MORC3: variants seen among roughly 807,000 people sequenced by gnomAD.
The protein encoded by MORC3 is MORC family CW-type zinc finger 3.
A neutral mutation model predicts 109.1 loss-of-function variants in MORC3; 31 were observed. That is an observed-to-expected ratio of 0.28 (90% CI 0.21 to 0.38). The LOEUF (loss-of-function observed/expected upper bound fraction) is 0.38. Among genes scored for constraint, MORC3 ranks in the 10% least tolerant of loss-of-function variants. The pLI is 1.00. For synonymous variants in MORC3, 395 were observed against 380.7 expected (o/e 1.04, Z -0.44); for missense variants, 867 against 1,135.8 (o/e 0.76, Z 3.40).
chr21:36,371,329 C>T (rs2085864254), intron 15 of MORC3, among the ~76,000 whole-genome samples: 1 of 152,112 alleles, frequency 6.6e-6, no homozygotes, highest in Non-Finnish European at 1.5e-5. Flanking sequence ...TACAGATGCT[C>T]CTCAACTTAT....
intron 6 of MORC3, among the ~76,000 whole-genome samples, chr21:36,343,769 T>TAA (rs2085477979): frequency 6.6e-6 from 1 of 152,082 alleles, no homozygotes; most frequent in Admixed American, 6.6e-5. Flanking sequence ...ATTTCTTGTG[T>TAA]TGATATTATT....
At chr21:36,372,294 T>C (rs1373348109) in intron 15 of MORC3, 80 bp from the exon 16 acceptor site, 12 of 1,274,494 alleles carry the variant, frequency 9.4e-6, no homozygotes, top group Non-Finnish European at 1.1e-5. Flanking sequence ...AAGCAGGTTC[T>C]CTATATTAGC....
intron 14 of MORC3, among the ~76,000 whole-genome samples, chr21:36,367,391 A>G (rs1287058402): frequency 6.6e-6 from 1 of 152,246 alleles, no homozygotes; most frequent in Non-Finnish European, 1.5e-5. Context: ...GGATAGCCAC[A>G]TGTGTCATCT....
At chr21:36,321,009 A>T (rs918222536) in intron 1 of MORC3, among the ~76,000 whole-genome samples, 1 of 152,110 alleles carries the variant, frequency 6.6e-6, no homozygotes, top group Non-Finnish European at 1.5e-5. Context: ...TGGCTTCCCC[A>T]CCTGATTATC....
chr21:36,335,808 A>T (rs564197844), intron 2 of MORC3, among the ~76,000 whole-genome samples: 2 of 152,222 alleles, frequency 1.3e-5, no homozygotes, highest in African/African-American at 4.8e-5. Context: ...CCATCCTTGT[A>T]TGTAACTTAG....
At chr21:36,374,195 T>G (rs897544930) in intron 16 of MORC3, among the ~76,000 whole-genome samples, 1 of 152,102 alleles carries the variant, frequency 6.6e-6, no homozygotes, top group African/African-American at 2.4e-5. Context: ...GTTCAAGCAA[T>G]TCTCCTGCCT....
rs763001687 is a variant in MORC3 at position 36,320,274 on chromosome 21, C to A, written c.10C>A (p.Gln4Lys). 3.8e-6 allele frequency: 6 copies of A among 1,580,174 alleles called. No individual in the cohort carries two copies. Among genetic ancestry groups the A allele is most frequent in the Non-Finnish European group, 5.2e-6 (6 of 1,164,972 alleles). Reference protein sequence around the residue: MAAQPPRGIRLSAL... With the variant: MAAKPPRGIRLSAL... ...TTGTAGCTCGCTCAAGATGGCGGCG[C>A]AGCCACCCCGCGGGATACGCCTCAG... is the stretch of plus-strand genomic sequence containing the variant. Residue 4 changes from glutamine to lysine, a missense_variant, in exon 1 of 17, where the codon CAG (glutamine) becomes AAG (lysine). Gln to Lys is a moderately conservative substitution (Grantham distance 53). Transcript: ENST00000400485.
chr21:36,364,966 C>T (rs867867859), intron 14 of MORC3, among the ~76,000 whole-genome samples: 54 of 144,050 alleles, frequency 3.7e-4, no homozygotes, highest in Middle Eastern at 4.0e-3. Context: ...GCAAGAGAAT[C>T]GCTTGAACCT....
chr21:36,320,590 C>T (rs2085180170), intron 1 of MORC3: 2 of 311,328 alleles, frequency 6.4e-6, no homozygotes, highest in Non-Finnish European at 5.8e-6. Context: ...AGCTGTCGTC[C>T]GCGGGCGAGG....
chr21:36,337,703 A>AT (rs2085389791), intron 3 of MORC3, 29 bp from the exon 4 acceptor site: 4 of 1,448,468 alleles, frequency 2.8e-6, no homozygotes, highest in Admixed American at 4.3e-5. Context: ...ATAGGTATTT[A>AT]TTTTTAAAAA....
At chr21:36,350,477 G>A (rs969203206) in intron 9 of MORC3, among the ~76,000 whole-genome samples, 4 of 150,432 alleles carry the variant, frequency 2.7e-5, no homozygotes, top group Non-Finnish European at 1.5e-5. Context: ...TCAGGAGATT[G>A]AGGCTGCAAT....
Position 36,341,314 on chromosome 21 carries a change from T to C in MORC3, c.609-85T>C. The C allele has an allele frequency of 2.3e-6, 3 of 1,307,462 alleles. No individual in the cohort carries two copies. The South Asian group carries it at 4.3e-5, about 19-fold the overall frequency. 81.0% of individuals were successfully genotyped at this position (1,307,462 alleles called of 1,614,324 possible). The stretch of plus-strand genomic sequence containing the variant: ...ACCATGTGTAGGTTTATTTATTTGC[T>C]TACCTTTTTAATGACTTACAGTGTT... On this transcript the variant is annotated intron_variant, in intron 5 of 16. Coordinates refer to ENST00000400485, the MANE Select transcript of MORC3 (RefSeq NM_015358.3).
At position 36,360,010 on chromosome 21, in the gene MORC3, T is replaced by G. The variant is rs1159140572; in HGVS notation, c.1264T>G (p.Leu422Val). Residue 422 changes from leucine to valine, a missense_variant, in exon 11 of 17, where the codon TTA (leucine) becomes GTA (valine). By Grantham distance (32) the Leu-to-Val change is conservative. Coordinates refer to ENST00000400485, the MANE Select transcript of MORC3 (RefSeq NM_015358.3). ...QCDACLKWRKLPDGMDQLPEK... is the reference protein window; with the variant it reads ...QCDACLKWRKVPDGMDQLPEK... ...TGATGCCTGTCTAAAGTGGCGGAAA[T>G]TACCTGATGGGATGGATCAACTTCC... The G allele has an allele frequency of 6.2e-7, 1 of 1,614,144 alleles. No homozygotes were observed. The highest frequency in any genetic ancestry group is 1.1e-5 in the South Asian group (1 of 91,078).
At chr21:36,370,666 T>TCC (rs1569110904) in intron 15 of MORC3, among the ~76,000 whole-genome samples, 1 of 100,142 alleles carries the variant, frequency 1.0e-5, no homozygotes, top group South Asian at 3.4e-4. Flanking sequence ...TTTTTTTTTT[T>TCC]TTTTTCTTCT....
intron 14 of MORC3, among the ~76,000 whole-genome samples, chr21:36,367,886 G>C (rs1325317280): frequency 6.6e-6 from 1 of 152,192 alleles, no homozygotes; most frequent in Admixed American, 6.5e-5. Context: ...CAACCCGGAA[G>C]CCTATATAAC....
In MORC3 at chr21:36,337,758, T is replaced by C; in HGVS notation, c.272T>C (p.Met91Thr). The C allele has an allele frequency of 6.2e-7, 1 of 1,613,142 alleles. No homozygotes were observed. The highest frequency in any genetic ancestry group is 8.5e-7 in the Non-Finnish European group (1 of 1,179,426). Residue 91 changes from methionine to threonine, a missense_variant, in exon 4 of 17, where the codon ATG becomes ACG. Met to Thr is a moderately conservative substitution (Grantham distance 81). Around this residue, in one of 7 missense-constraint regions of MORC3, gnomAD observed 53 missense variants for 130.3 expected, o/e 0.41. Coordinates refer to ENST00000400485, the MANE Select transcript of MORC3 (RefSeq NM_015358.3). ...LSFGFSDKVT[M>T]NGHVPVGLYG... ...TTTGGCTTCAGTGACAAAGTCACCA[T>C]GAATGGTCATGTCCCAGTTGGATTA... is the stretch of plus-strand genomic sequence containing the variant.
At chr21:36,342,170 G>T (rs1011247898) in intron 6 of MORC3, among the ~76,000 whole-genome samples, 8 of 152,084 alleles carry the variant, frequency 5.3e-5, no homozygotes, top group African/African-American at 1.9e-4. Context: ...GGGCAGTGCG[G>T]TTCACGGAGG....
chr21:36,368,182 A>T (rs1002800217), intron 14 of MORC3, among the ~76,000 whole-genome samples: 1 of 152,252 alleles, frequency 6.6e-6, no homozygotes, highest in Non-Finnish European at 1.5e-5. Flanking sequence ...TGAACAGGGA[A>T]TGATGCAAAT....
intron 14 of MORC3, among the ~76,000 whole-genome samples, chr21:36,366,593 T>C (rs995250527): frequency 4.6e-5 from 7 of 152,110 alleles, no homozygotes; most frequent in Admixed American, 1.3e-4. Flanking sequence ...TAGCTGAGAT[T>C]ACAAATGTAC....
Sources: allele counts gnomAD v4.1 joint callset (sites outside exome capture counted in the v4.1 genomes callset), GRCh38; gene constraint gnomAD v4.1.1; regional missense constraint gnomAD v4.1.1; transcripts MANE v1.5; gene names NCBI Gene and HGNC (gene_info 2026-07-23, HGNC 2026-07-21).